The following DNAJC8 variants were observed in gnomAD, a reference collection of about 807,000 sequenced individuals.
DNAJC8 encodes DnaJ heat shock protein family (Hsp40) member C8.
Under a neutral mutation model 43.2 loss-of-function variants are expected in DNAJC8, and 24 were observed. The ratio of observed to expected loss-of-function variants is 0.56; its 90% CI spans 0.40 to 0.78. DNAJC8 has a LOEUF of 0.78. Among genes scored for constraint, DNAJC8 ranks in the 30% least tolerant of loss-of-function variants. The pLI is 0.00. For missense variants in DNAJC8, 207 were observed against 299.4 expected (o/e 0.69, Z 2.28); for synonymous variants, 83 against 98.0 (o/e 0.85, Z 0.90).
rs186411115 is a variant in DNAJC8 at position 28,227,035 on chromosome 1, T to C, written c.180+1887A>G. 3.8e-3 allele frequency among the ~76,000 whole-genome samples: 551 copies of C among 146,508 alleles called. 12 individuals are homozygous for C. Among genetic ancestry groups the C allele is most frequent in the African/African-American group, 0.014 (539 of 39,336 alleles). ...TGAGTTCTGAAGAGTTCATTTATGA[T>C]TAAAGATGTTAACAGATTTAACATC... On this transcript the variant is annotated intron_variant, in intron 2 of 8. Coordinates refer to ENST00000263697, the MANE Select transcript of DNAJC8 (RefSeq NM_014280.3).
At chr1:28,225,263 A>G (rs1009356330) in intron 2 of DNAJC8, among the ~76,000 whole-genome samples, 2 of 151,432 alleles carry the variant, frequency 1.3e-5, no homozygotes, top group African/African-American at 4.9e-5. Flanking sequence ...AAATCACATT[A>G]AAGTATATCA....
At chr1:28,228,800 A>T in intron 2 of DNAJC8, 122 bp downstream of exon 2, 1 of 790,162 alleles carries the variant, frequency 1.3e-6, no homozygotes, top group Non-Finnish European at 2.1e-6. Flanking sequence ...CCATCACTTT[A>T]CTCCACCATT....
rs374372472 is a variant in DNAJC8, at chr1:28,215,945, A to G, written c.181-949T>C. 2.4e-4 allele frequency among the ~76,000 whole-genome samples: 36 copies of G among 151,894 alleles called. 1 individual carries two copies. The highest frequency in any genetic ancestry group is 3.9e-4 in the East Asian group (2 of 5,174). ...CATAATCATAGGTCACTGCAGCCTC[A>G]AGCTCTGGGGCTCAAGTGGTCCTCT... On this transcript the variant is annotated intron_variant, in intron 2 of 8. Coordinates refer to ENST00000263697, the MANE Select transcript of DNAJC8 (RefSeq NM_014280.3).
intron 6 of DNAJC8, among the ~76,000 whole-genome samples, chr1:28,205,905 G>A (rs144378488): frequency 1.6e-4 from 24 of 152,014 alleles, no homozygotes; most frequent in East Asian, 3.9e-4. Context: ...AAAAATTAGC[G>A]GGGCATGGTG....
intron 1 of DNAJC8, 115 bp from the exon 2 acceptor site, chr1:28,229,138 G>T: frequency 2.3e-6 from 2 of 858,800 alleles, no homozygotes; most frequent in Non-Finnish European, 1.8e-6. Flanking sequence ...TTTACCATGT[G>T]CAAGACATTT....
intron 3 of DNAJC8, among the ~76,000 whole-genome samples, chr1:28,214,575 T>TG (rs768166894): frequency 6.6e-6 from 1 of 152,010 alleles, no homozygotes; most frequent in Non-Finnish European, 1.5e-5. Context: ...TACAGACAAA[T>TG]GGAGTCTTAA....
At chr1:28,209,628 C>T (rs1646796903) in intron 5 of DNAJC8, among the ~76,000 whole-genome samples, 1 of 152,164 alleles carries the variant, frequency 6.6e-6, no homozygotes, top group Non-Finnish European at 1.5e-5. Context: ...GAATAAAAAT[C>T]AAGAGTCAAG....
chr1:28,224,766 C>T (rs1333798733), intron 2 of DNAJC8, among the ~76,000 whole-genome samples: 2 of 152,066 alleles, frequency 1.3e-5, no homozygotes, highest in African/African-American at 4.8e-5. Context: ...CTCCTGTAAT[C>T]CCAGCAACCA....
At position 28,232,797 on chromosome 1, in the gene DNAJC8, C is replaced by T. The variant is rs763853497; in HGVS notation, c.78+124G>A. ...CTCACACACCCCCAGACCCCCGCCA[C>T]CCCGAAGACTGGACTGAAGGAATCG... On this transcript the variant is annotated intron_variant, in intron 1 of 8. Coordinates refer to ENST00000263697, the MANE Select transcript of DNAJC8 (RefSeq NM_014280.3). The T allele has an allele frequency of 3.9e-6, 4 of 1,014,862 alleles. No individual in the cohort carries two copies. In the South Asian group the frequency reaches 4.5e-5, roughly 11 times the overall value. 62.9% of individuals were successfully genotyped at this position (1,014,862 alleles called of 1,614,324 possible).
chr1:28,218,072 T>C (rs1052134032), intron 2 of DNAJC8, among the ~76,000 whole-genome samples: 2 of 151,332 alleles, frequency 1.3e-5, no homozygotes, highest in South Asian at 2.1e-4. Context: ...GCTTTTTTCA[T>C]GAAGGTCGGA....
chr1:28,201,789 C>CAA (rs113275288), intron 8 of DNAJC8, among the ~76,000 whole-genome samples: 3,451 of 111,286 alleles, frequency 0.031, 170 homozygotes, highest in African/African-American at 0.11. Flanking sequence ...GACTTTGTAT[C>CAA]AAAAAAAAAA....
Position 28,205,249 on chromosome 1 carries a change from G to T in DNAJC8, c.563+9C>A. On this transcript the variant is annotated intron_variant, in intron 7 of 8. Coordinates refer to ENST00000263697, the MANE Select transcript of DNAJC8 (RefSeq NM_014280.3). ...TAAATATGGTTTAAATGAATATACT[G>T]ATATGTACCTTTCATGCATCTCTTT... 1 of 1,597,980 alleles carries T rather than the reference G, an allele frequency of 6.3e-7. No individual in the cohort carries two copies.
At position 28,200,760 on chromosome 1, in the gene DNAJC8, A is replaced by G. The variant is rs1646728507; in HGVS notation, c.*488T>C. 1 of 439,232 alleles carries G rather than the reference A, an allele frequency of 2.3e-6. No homozygotes were observed. Among genetic ancestry groups the G allele is most frequent in the Non-Finnish European group, 4.6e-6 (1 of 219,558 alleles). 27.2% of individuals were successfully genotyped at this position (439,232 alleles called of 1,614,324 possible). A position where few individuals can be genotyped will look rare whatever the true frequency, so the allele number is the denominator to read the frequency against. ...GCATCAGATGCTGCTCTGTGTGCTC[A>G]CAAGTGTTCCCTGTCTTATCTGGGC... is the stretch of plus-strand genomic sequence containing the variant. On this transcript the variant is annotated 3_prime_UTR_variant, in exon 9 of 9. Coordinates refer to ENST00000263697, the MANE Select transcript of DNAJC8 (RefSeq NM_014280.3).
chr1:28,201,489 CAA>C (rs1646732980), intron 8 of DNAJC8, 119 bp from the exon 9 acceptor site: 22 of 1,477,788 alleles, frequency 1.5e-5, no homozygotes, highest in Non-Finnish European at 2.0e-5. Flanking sequence ...TGGAATAACC[CAA>C]GAGTAGAATA....
intron 2 of DNAJC8, among the ~76,000 whole-genome samples, chr1:28,216,285 GAA>G (rs1646854148): frequency 6.6e-6 from 1 of 152,164 alleles, no homozygotes; most frequent in African/African-American, 2.4e-5. Context: ...AAGGAACTGG[GAA>G]AGTCACTCAA....
intron 8 of DNAJC8, among the ~76,000 whole-genome samples, chr1:28,202,879 G>T (rs1646746862): frequency 6.6e-6 from 1 of 152,192 alleles, no homozygotes; most frequent in South Asian, 2.1e-4. Context: ...ACCACGCCCG[G>T]CCAGCATATG....
chr1:28,200,925 C>T lies in DNAJC8; in HGVS notation c.*323G>A, dbSNP rs1428048227. The T allele has an allele frequency of 1.3e-5, 5 of 383,776 alleles. No homozygotes were observed. The East Asian group carries it at 2.6e-4, about 20-fold the overall frequency. 23.8% of individuals were successfully genotyped at this position (383,776 alleles called of 1,614,324 possible). On this transcript the variant is annotated 3_prime_UTR_variant, in exon 9 of 9. Transcript: ENST00000263697. Reference sequence around the variant, plus strand: ...TTGGATGATTTCCACAAACTATCCACGAAGTTTCTAACCATCACAATTCAG... The same window carrying T: ...TTGGATGATTTCCACAAACTATCCATGAAGTTTCTAACCATCACAATTCAG...
chr1:28,226,735 G>A (rs1191714998), intron 2 of DNAJC8, among the ~76,000 whole-genome samples: 1 of 151,108 alleles, frequency 6.6e-6, no homozygotes, highest in Admixed American at 6.6e-5. Context: ...TGGAACTGCT[G>A]GGGCCAAATT....
At chr1:28,203,952 G>T in intron 7 of DNAJC8, 130 bp from the exon 8 acceptor site, 1 of 854,542 alleles carries the variant, frequency 1.2e-6, no homozygotes. Context: ...AAAGATGGCT[G>T]TCTGGAAAGG....
Sources: allele counts gnomAD v4.1 joint callset (sites outside exome capture counted in the v4.1 genomes callset), GRCh38; gene constraint gnomAD v4.1.1; transcripts MANE v1.5; gene names NCBI Gene and HGNC (gene_info 2026-07-23, HGNC 2026-07-21).